The following MCTP2 variants were observed in gnomAD, a reference collection of about 807,000 sequenced individuals.
MCTP2 encodes multiple C2 and transmembrane domain containing 2, also known as multiple C2 and transmembrane domain-containing protein 2.
A neutral mutation model predicts 111.6 loss-of-function variants in MCTP2; 132 were observed. The ratio of observed to expected loss-of-function variants is 1.18; its 90% CI spans 1.03 to 1.37. MCTP2 has a LOEUF of 1.37. Ranked by LOEUF, MCTP2 falls within the 40% of genes most tolerant of loss-of-function variation. The pLI, the probability that MCTP2 is intolerant of heterozygous loss-of-function variation, is 0.00. For missense variants in MCTP2, 1,183 were observed against 1,067.9 expected (o/e 1.11, Z -1.50); for synonymous variants, 395 against 387.7 (o/e 1.02, Z -0.22).
At chr15:94,440,939 T>C (rs1371048439) in intron 18 of MCTP2, among the ~76,000 whole-genome samples, 1 of 152,140 alleles carries the variant, frequency 6.6e-6, no homozygotes, top group East Asian at 1.9e-4. Context: ...GGCCCCCTCA[T>C]TGCACCCCAT....
At chr15:94,467,272 A>G (rs1456748576) in intron 20 of MCTP2, among the ~76,000 whole-genome samples, 6 of 152,186 alleles carry the variant, frequency 3.9e-5, no homozygotes, top group Admixed American at 6.5e-5. Context: ...GGGTGAAAAA[A>G]GAGTGGGTTT....
At chr15:94,382,529 C>T (rs1335816326) in intron 12 of MCTP2, among the ~76,000 whole-genome samples, 2 of 152,244 alleles carry the variant, frequency 1.3e-5, no homozygotes, top group Non-Finnish European at 2.9e-5. Flanking sequence ...TAATACTATT[C>T]ATCGCCCATG....
At chr15:94,306,830 G>C (rs909617376) in intron 2 of MCTP2, among the ~76,000 whole-genome samples, 3 of 152,206 alleles carry the variant, frequency 2.0e-5, no homozygotes, top group Admixed American at 6.5e-5. Context: ...GATATTTCCA[G>C]AAATGGCTTG....
chr15:94,315,820 A>G (rs556790768), intron 4 of MCTP2, among the ~76,000 whole-genome samples, 183 bp downstream of exon 4: 6 of 152,316 alleles, frequency 3.9e-5, no homozygotes, highest in Admixed American at 3.3e-4. Context: ...AAACCTTACT[A>G]TCCTTCTTTA....
At chr15:94,302,533 G>A (rs1170687683) in intron 2 of MCTP2, among the ~76,000 whole-genome samples, 3 of 152,150 alleles carry the variant, frequency 2.0e-5, no homozygotes, top group South Asian at 4.1e-4. Flanking sequence ...GAGAACATAC[G>A]CTTAGAAGAA....
intron 4 of MCTP2, among the ~76,000 whole-genome samples, chr15:94,330,967 C>G (rs1309005301): frequency 1.3e-5 from 2 of 152,216 alleles, no homozygotes; most frequent in South Asian, 2.1e-4. Flanking sequence ...ATTCTGAGCT[C>G]AAGCAATCCA....
intron 1 of MCTP2, 179 bp downstream of exon 1, chr15:94,231,843 T>G (rs1156577550): frequency 6.6e-6 from 1 of 152,358 alleles, no homozygotes; most frequent in Non-Finnish European, 1.5e-5. Context: ...CAGAAAGGTG[T>G]CCTGAGGACT....
chr15:94,248,890 C>T (rs2072207543), intron 1 of MCTP2, among the ~76,000 whole-genome samples: 1 of 152,158 alleles, frequency 6.6e-6, no homozygotes, highest in African/African-American at 2.4e-5. Context: ...TGTTGATTAA[C>T]TCAATATGGA....
At chr15:94,313,791 T>C (rs1202079295) in intron 2 of MCTP2, among the ~76,000 whole-genome samples, 2 of 152,222 alleles carry the variant, frequency 1.3e-5, no homozygotes, top group African/African-American at 4.8e-5. Flanking sequence ...CAGTTTTGGT[T>C]TGGCGATTGA....
intron 12 of MCTP2, among the ~76,000 whole-genome samples, chr15:94,383,441 G>A (rs2080267260): frequency 6.6e-6 from 1 of 152,188 alleles, no homozygotes; most frequent in African/African-American, 2.4e-5. Context: ...CCTGGTCTTG[G>A]GTGGTGTGTT....
At chr15:94,405,931 T>A (rs1421833935) in intron 17 of MCTP2, among the ~76,000 whole-genome samples, 1 of 152,172 alleles carries the variant, frequency 6.6e-6, no homozygotes, top group Non-Finnish European at 1.5e-5. Flanking sequence ...ACTTTCCCAT[T>A]TGAAAAACAA....
At chr15:94,303,101 T>TTATATATATATAGTTTATATAGTTTA in intron 2 of MCTP2, among the ~76,000 whole-genome samples, 1 of 22,344 alleles carries the variant, frequency 4.5e-5, no homozygotes, top group Non-Finnish European at 1.2e-4. Context: ...TTTATATAGT[T>TTATATATATATAGTTTATATAGTTTA]TATATATATA....
chr15:94,469,953 A>G (rs150921278), intron 20 of MCTP2, among the ~76,000 whole-genome samples: 283 of 152,270 alleles, frequency 1.9e-3, no homozygotes, highest in African/African-American at 6.6e-3. Context: ...CCGTGTGTTT[A>G]TTGAGAGACA....
chr15:94,412,953 G>A (rs916420459), intron 17 of MCTP2, among the ~76,000 whole-genome samples: 5 of 151,844 alleles, frequency 3.3e-5, no homozygotes, highest in Non-Finnish European at 4.4e-5. Flanking sequence ...CACCTCTTTC[G>A]GCAAATTTGA....
intron 7 of MCTP2, chr15:94,343,708 G>T (rs2152408350): frequency 6.6e-6 from 1 of 152,268 alleles, no homozygotes; most frequent in South Asian, 2.1e-4. Context: ...TCCACCAGTG[G>T]TCTGGTTAAC....
chr15:94,377,781 G>A (rs936278298), intron 12 of MCTP2, among the ~76,000 whole-genome samples: 2 of 152,078 alleles, frequency 1.3e-5, no homozygotes, highest in Admixed American at 6.6e-5. Context: ...TGGAAGGGAT[G>A]CCTGACTGCA....
At chr15:94,337,340 G>T (rs1191047185) in intron 4 of MCTP2, among the ~76,000 whole-genome samples, 1 of 152,132 alleles carries the variant, frequency 6.6e-6, no homozygotes, top group African/African-American at 2.4e-5. Flanking sequence ...GATGCCTGGG[G>T]ATTACCCAGT....
At chr15:94,268,155 C>T (rs2073682623) in intron 1 of MCTP2, among the ~76,000 whole-genome samples, 1 of 149,708 alleles carries the variant, frequency 6.7e-6, no homozygotes, top group Non-Finnish European at 1.5e-5. Flanking sequence ...TATGAGCCAC[C>T]ACGCCCGGCC....
At chr15:94,283,874 C>A (rs2152316210) in intron 1 of MCTP2, among the ~76,000 whole-genome samples, 1 of 152,228 alleles carries the variant, frequency 6.6e-6, no homozygotes, top group South Asian at 2.1e-4. Context: ...AAAATTGATA[C>A]ATTGAACTCA....
Sources: gnomAD v4.1 joint callset for allele counts (sites outside exome capture counted in the v4.1 genomes callset) on GRCh38, gnomAD v4.1.1 for gene constraint, MANE v1.5 for transcripts, NCBI Gene and HGNC (gene_info 2026-07-23, HGNC 2026-07-21) for gene names.